IL18RAP: variants seen among roughly 807,000 people sequenced by gnomAD.
The protein encoded by IL18RAP is interleukin-18 receptor accessory protein.
IL18RAP carries 37 observed loss-of-function variants against 58.1 expected under a neutral mutation model. The observed-to-expected ratio is 0.64, with a 90% confidence interval of 0.49 to 0.84. The LOEUF (loss-of-function observed/expected upper bound fraction) is 0.84. IL18RAP is among the 40% of genes least tolerant of loss of function. The probability of loss-of-function intolerance (pLI) is 0.00; values close to 1 mark genes in which losing one functional copy is unlikely to be tolerated. For missense variants in IL18RAP, 667 were observed against 704.8 expected, an observed-to-expected ratio of 0.95 and a Z score of 0.61; for synonymous variants, 268 against 257.5, an observed-to-expected ratio of 1.04 and a Z score of -0.39.
At chr2:102,437,153 T>G (rs541222138) in intron 3 of IL18RAP, 59 bp from the exon 4 acceptor site, 2 of 1,502,082 alleles carry the variant, frequency 1.3e-6, no homozygotes, top group African/African-American at 1.4e-5. Context: ...TCTTTAGGTA[T>G]GTATTTCATA....
At position 102,452,069 on chromosome 2, in the gene IL18RAP, A is replaced by G. The variant is rs1304788162; in HGVS notation, c.1688A>G (p.Asn563Ser). ...ATGCGCTACCACATGCCTGTGAAAA[A>G]CTCTCAGGGATTCACGTGGAACCAG... Reference protein sequence around the residue: ...AKMRYHMPVKNSQGFTWNQLR... With the variant: ...AKMRYHMPVKSSQGFTWNQLR... Residue 563 changes from asparagine to serine, a missense_variant, in exon 10 of 10, where the codon AAC becomes AGC. Asn to Ser is a conservative substitution (Grantham distance 46, BLOSUM62 1). Coordinates refer to ENST00000687160, the MANE Select transcript of IL18RAP (RefSeq NM_001393487.1). 6.2e-7 allele frequency: 1 copy of G among 1,613,552 alleles called. No individual in the cohort carries two copies. Among genetic ancestry groups the G allele is most frequent in the Non-Finnish European group, 8.5e-7 (1 of 1,179,918 alleles).
chr2:102,427,016 T>TG (rs1681993843), intron 3 of IL18RAP, among the ~76,000 whole-genome samples: 1 of 152,184 alleles, frequency 6.6e-6, no homozygotes, highest in Non-Finnish European at 1.5e-5. Flanking sequence ...GCATTTGTCT[T>TG]TCTGTGCCCG....
intron 3 of IL18RAP, chr2:102,432,320 C>T (rs62154973): frequency 0.061 from 9,419 of 154,154 alleles, 435 homozygotes; most frequent in Non-Finnish European, 0.088. Flanking sequence ...AAATTGCAGA[C>T]TGTCTTCCCA....
intron 8 of IL18RAP, among the ~76,000 whole-genome samples, chr2:102,448,586 C>T (rs1033021692): frequency 3.9e-5 from 6 of 152,192 alleles, no homozygotes; most frequent in African/African-American, 1.4e-4. Flanking sequence ...TGAGAGGCCC[C>T]TCCAAATTCC....
rs539997877 is a variant in IL18RAP at position 102,432,109 on chromosome 2, G to T, written c.580-5103G>T. ...GACCTTCACTATGTAGTCTAGCCTGGGATTCCAGGTGGGCTAGTTGGTAGC... is the reference window on the plus strand; with the variant it reads ...GACCTTCACTATGTAGTCTAGCCTGTGATTCCAGGTGGGCTAGTTGGTAGC... On this transcript the variant is annotated intron_variant, in intron 3 of 9. Coordinates refer to ENST00000687160, the MANE Select transcript of IL18RAP (RefSeq NM_001393487.1). Among the ~76,000 whole-genome samples the T allele has an allele frequency of 6.6e-5, 10 of 152,130 alleles. No homozygotes were observed. The South Asian group carries it at 1.0e-3, about 16-fold the overall frequency.
At chr2:102,448,960 C>CAAAAAA (rs10566180) in intron 8 of IL18RAP, among the ~76,000 whole-genome samples, 1 of 67,222 alleles carries the variant, frequency 1.5e-5, no homozygotes, top group Non-Finnish European at 2.6e-5. Context: ...TACCCTATCT[C>CAAAAAA]AAAAAAAAAA....
chr2:102,443,384 G>T, intron 6 of IL18RAP, 61 bp downstream of exon 6: 3 of 1,567,302 alleles, frequency 1.9e-6, no homozygotes, highest in Non-Finnish European at 8.6e-7. Context: ...TCTACCTTTA[G>T]AAATGCCTAA....
At chr2:102,435,566 G>A (rs972183011) in intron 3 of IL18RAP, among the ~76,000 whole-genome samples, 13 of 152,152 alleles carry the variant, frequency 8.5e-5, no homozygotes, top group African/African-American at 3.1e-4. Context: ...AGGGAGAATA[G>A]GCCAGGGAGG....
At chr2:102,425,481 A>T (rs971396006) in intron 3 of IL18RAP, among the ~76,000 whole-genome samples, 1 of 152,080 alleles carries the variant, frequency 6.6e-6, no homozygotes, top group Non-Finnish European at 1.5e-5. Context: ...TATGGTCTCA[A>T]ATTTGTGTTT....
intron 3 of IL18RAP, chr2:102,434,521 A>G (rs1194407556): frequency 6.6e-6 from 1 of 152,162 alleles, no homozygotes; most frequent in Non-Finnish European, 1.5e-5. Flanking sequence ...TCAACATGGT[A>G]TGTTCTCCCT....
intron 4 of IL18RAP, among the ~76,000 whole-genome samples, chr2:102,438,367 A>C (rs1287009296): frequency 6.6e-6 from 1 of 152,254 alleles, no homozygotes; most frequent in Admixed American, 6.5e-5. Context: ...TACAAACCAC[A>C]CAGAGCACCC....
At chr2:102,429,879 A>G (rs556547842) in intron 3 of IL18RAP, among the ~76,000 whole-genome samples, 22 of 151,962 alleles carry the variant, frequency 1.4e-4, no homozygotes, top group Non-Finnish European at 3.1e-4. Context: ...ATTTTCCAAG[A>G]TATTTTCTGT....
At chr2:102,432,275 G>A (rs62154971) in intron 3 of IL18RAP, 10,624 of 153,170 alleles carry the variant, frequency 0.069, 475 homozygotes, top group Non-Finnish European at 0.088. Context: ...AGGTTGAGTC[G>A]CTGGCTGAGC....
At chr2:102,428,972 C>T (rs1177234136) in intron 3 of IL18RAP, among the ~76,000 whole-genome samples, 1 of 151,862 alleles carries the variant, frequency 6.6e-6, no homozygotes, top group Admixed American at 6.6e-5. Context: ...CAGTTTTTAT[C>T]TTTCATTTTA....
At chr2:102,426,958 T>G (rs182334906) in intron 3 of IL18RAP, among the ~76,000 whole-genome samples, 3 of 152,248 alleles carry the variant, frequency 2.0e-5, no homozygotes, top group Admixed American at 2.0e-4. Context: ...ATTCTCTACT[T>G]CTATGAGTTC....
chr2:102,433,266 A>C (rs1205822439), intron 3 of IL18RAP, among the ~76,000 whole-genome samples: 1 of 152,182 alleles, frequency 6.6e-6, no homozygotes, highest in Non-Finnish European at 1.5e-5. Flanking sequence ...TCTGCCACCT[A>C]GGTTGGAGTA....
chr2:102,451,655 T>C (rs1683773985), intron 9 of IL18RAP, 111 bp from the exon 10 acceptor site: 1 of 844,310 alleles, frequency 1.2e-6, no homozygotes, highest in Non-Finnish European at 1.9e-6. Context: ...GTGTAAGTGG[T>C]AGAGTAAACA....
chr2:102,438,079 A>G (rs1156737448), intron 4 of IL18RAP, among the ~76,000 whole-genome samples: 2 of 152,082 alleles, frequency 1.3e-5, no homozygotes, highest in Non-Finnish European at 2.9e-5. Flanking sequence ...TCCATAGTAT[A>G]CTTCCCTGAC....
chr2:102,441,246 A>G lies in IL18RAP; in HGVS notation c.731-66A>G, dbSNP rs376099658. 234 of 1,246,230 alleles carry G rather than the reference A, an allele frequency of 1.9e-4. No individual in the cohort carries two copies. The African/African-American group carries it at 3.2e-3, about 17-fold the overall frequency. The allele number at this position is 1,246,230 out of a possible 1,614,324, so 77.2% of individuals were successfully genotyped here. A position where few individuals can be genotyped will look rare whatever the true frequency, so the allele number is the denominator to read the frequency against. ...TAGATCAAAGTGTGGCTGTGCACCT[A>G]AATCTTCATCAAGCAGGCCTTCAGA... On this transcript the variant is annotated intron_variant, in intron 4 of 9. Coordinates refer to ENST00000687160, the MANE Select transcript of IL18RAP (RefSeq NM_001393487.1).
Sources: gnomAD v4.1 joint callset for allele counts (sites outside exome capture counted in the v4.1 genomes callset) on GRCh38, gnomAD v4.1.1 for gene constraint, MANE v1.5 for transcripts, NCBI Gene and HGNC (gene_info 2026-07-23, HGNC 2026-07-21) for gene names.